AGTPBP1: variants seen among roughly 807,000 people sequenced by gnomAD.
AGTPBP1 encodes the protein ATP/GTP binding carboxypeptidase 1.
In AGTPBP1, 70 loss-of-function variants were observed where a neutral mutation model predicts 143.9. The observed-to-expected ratio is 0.49, with a 90% CI of 0.40 to 0.59. The LOEUF (loss-of-function observed/expected upper bound fraction) is 0.59, where lower values mean the gene tolerates loss of function less well. Among genes scored for constraint, AGTPBP1 ranks in the 20% least tolerant of loss-of-function variants. The pLI is 0.00. For missense variants in AGTPBP1, 1,229 were observed against 1,464.5 expected (o/e 0.84, Z 2.62); for synonymous variants, 463 against 500.2 (o/e 0.93, Z 0.99).
At chr9:85,794,849 A>T in the AGTPBP1 span, among the ~76,000 whole-genome samples, 2,577 of 152,280 alleles carry the variant, frequency 0.017, 75 homozygotes, top group African/African-American at 0.058. Context: ...TTCTTTGGTT[A>T]AATTTATTTC....
At chr9:85,663,372 A>G (rs1019469086) in intron 8 of AGTPBP1, among the ~76,000 whole-genome samples, 3 of 152,128 alleles carry the variant, frequency 2.0e-5, no homozygotes, top group Admixed American at 2.0e-4. Context: ...GCTCGGAAGG[A>G]TTCTGCCTCA....
At chr9:85,767,559 G>A in the AGTPBP1 span, among the ~76,000 whole-genome samples, 1 of 152,106 alleles carries the variant, frequency 6.6e-6, no homozygotes, top group Non-Finnish European at 1.5e-5. Context: ...TGTTGGCCAA[G>A]ATGGTCTCGA....
chr9:85,790,088 A>G, the AGTPBP1 span, among the ~76,000 whole-genome samples: 1 of 152,236 alleles, frequency 6.6e-6, no homozygotes, highest in Admixed American at 6.5e-5. Flanking sequence ...TTAAACATTT[A>G]AAGTTGTAAC....
At chr9:85,630,387 C>CTTATTTATTTATTTATTTATTTATTTAT (rs1245325032) in intron 14 of AGTPBP1, among the ~76,000 whole-genome samples, 7 of 144,230 alleles carry the variant, frequency 4.9e-5, no homozygotes, top group African/African-American at 1.9e-4. Context: ...TACTTACTTA[C>CTTATTTATTTATTTATTTATTTATTTAT]TTACTTATTT....
chr9:85,741,364 G>C, intron 1 of AGTPBP1: 2 of 985,350 alleles, frequency 2.0e-6, no homozygotes, highest in Non-Finnish European at 2.4e-6. Context: ...GGGAGAGCGG[G>C]GCTGGGCGCG....
Position 85,547,242 on chromosome 9 carries a change from T to A in AGTPBP1, c.3548A>T (p.Glu1183Val). 1 of 1,613,138 alleles carries A rather than the reference T, an allele frequency of 6.2e-7. No homozygotes were observed. Among genetic ancestry groups the A allele is most frequent in the Non-Finnish European group, 8.5e-7 (1 of 1,179,720 alleles). Residue 1183 changes from glutamate (E) to valine (V), a missense_variant, in exon 26 of 26, where the codon GAA becomes GTA. Physicochemically the swap from Glu to Val is moderately radical, Grantham distance 121. Around this residue, in one of 2 missense-constraint regions of AGTPBP1, gnomAD observed 486 missense variants for 652.3 expected, o/e 0.75. Transcript: ENST00000357081. ...VLDEDEPRFL[E>V]EVDYSAESND... is the part of the protein sequence containing the mutation. ...ACTTTCTGCACTGTAATCAACTTCT[T>A]CAAGGAATCGAGGTTCATCTTCATC...
intron 21 of AGTPBP1, among the ~76,000 whole-genome samples, chr9:85,587,704 A>G (rs1029170387): frequency 2.0e-5 from 3 of 152,182 alleles, no homozygotes; most frequent in Non-Finnish European, 4.4e-5. Context: ...ACTCATGACA[A>G]CTATACTAAA....
intron 14 of AGTPBP1, among the ~76,000 whole-genome samples, chr9:85,628,915 C>T (rs1831478332): frequency 1.3e-5 from 2 of 152,014 alleles, no homozygotes; most frequent in South Asian, 4.2e-4. Flanking sequence ...CAGGGTTTTA[C>T]TGTGTTGGCC....
In AGTPBP1 at chr9:85,643,186, G is replaced by A. The variant is rs1017354534; in HGVS notation, c.1186-243C>T. Among the ~76,000 whole-genome samples, 14 of 151,810 alleles carry A rather than the reference G, an allele frequency of 9.2e-5. No individual in the cohort carries two copies. The East Asian group carries it at 2.1e-3, about 23-fold the overall frequency. On this transcript the variant is annotated intron_variant, in intron 12 of 25. Coordinates refer to ENST00000357081, the MANE Select transcript of AGTPBP1 (RefSeq NM_001330701.2). ...TTACTCTAATATAACAGAGTATTCT[G>A]GCTACTCAAAACAGAAAAACTTGTG...
intron 3 of AGTPBP1, among the ~76,000 whole-genome samples, chr9:85,692,070 T>C (rs899040721): frequency 3.9e-5 from 6 of 152,068 alleles, no homozygotes; most frequent in African/African-American, 1.2e-4. Flanking sequence ...GAGGACCCCA[T>C]AATAACCAAT....
At chr9:85,561,187 C>A (rs868096387) in intron 25 of AGTPBP1, among the ~76,000 whole-genome samples, 1 of 151,908 alleles carries the variant, frequency 6.6e-6, no homozygotes, top group African/African-American at 2.4e-5. Flanking sequence ...TATGGTGAAA[C>A]CCCGTTTCTA....
chr9:85,736,042 T>G (rs889458978), intron 1 of AGTPBP1, among the ~76,000 whole-genome samples: 3 of 152,146 alleles, frequency 2.0e-5, no homozygotes, highest in African/African-American at 7.2e-5. Flanking sequence ...CCAGGTCACT[T>G]TTTTTTAAAC....
the AGTPBP1 span, among the ~76,000 whole-genome samples, chr9:85,796,953 A>AT: frequency 2.6e-5 from 4 of 151,506 alleles, no homozygotes; most frequent in Admixed American, 2.6e-4. Context: ...CACCCGCCTA[A>AT]TTTTTTTATT....
chr9:85,641,177 C>T lies in AGTPBP1; in HGVS notation c.1302+1650G>A, dbSNP rs79412816. Among the ~76,000 whole-genome samples, 26 of 152,238 alleles carry T rather than the reference C, an allele frequency of 1.7e-4. No individual in the cohort carries two copies. In the East Asian group the frequency reaches 4.1e-3, roughly 24 times the overall value. Reference sequence around the variant, plus strand: ...TGGGGGTCTTGGAACCTATCTCCCACGGATAAGGGGGGCCTACCGTATATA... The same window carrying T: ...TGGGGGTCTTGGAACCTATCTCCCATGGATAAGGGGGGCCTACCGTATATA... On this transcript the variant is annotated intron_variant, in intron 13 of 25. Coordinates refer to ENST00000357081, the MANE Select transcript of AGTPBP1 (RefSeq NM_001330701.2).
intron 13 of AGTPBP1, among the ~76,000 whole-genome samples, chr9:85,637,596 A>G (rs896943237): frequency 6.6e-6 from 1 of 152,218 alleles, no homozygotes; most frequent in African/African-American, 2.4e-5. Flanking sequence ...AAGAAGTTCT[A>G]AAACAGTCAA....
intron 24 of AGTPBP1, 39 bp from the exon 25 acceptor site, chr9:85,575,514 T>C (rs780495865): frequency 5.2e-6 from 8 of 1,548,264 alleles, no homozygotes; most frequent in Non-Finnish European, 7.0e-6. Flanking sequence ...ATTACAAAGT[T>C]TGCTATCTTC....
At chr9:85,773,047 C>G in the AGTPBP1 span, among the ~76,000 whole-genome samples, 1 of 151,822 alleles carries the variant, frequency 6.6e-6, no homozygotes, top group Non-Finnish European at 1.5e-5. Context: ...GGGCAGATCA[C>G]GAGGTCAGGA....
Position 85,579,021 on chromosome 9 carries a change from T to C in AGTPBP1, c.3241A>G (p.Lys1081Glu). Reference protein sequence around the residue: ...SSCSFVVEKSKESTARVVVWR... With the variant: ...SSCSFVVEKSEESTARVVVWR... Reference sequence around the variant, plus strand: ...ACTACAACACGTGCTGTGGATTCTTTAGATTTTTCCACTACGAAGCTACAG... The same window carrying C: ...ACTACAACACGTGCTGTGGATTCTTCAGATTTTTCCACTACGAAGCTACAG... Residue 1081 changes from lysine to glutamate, a missense_variant, in exon 24 of 26, where the codon AAA (lysine) becomes GAA (glutamate). By Grantham distance (56) the Lys-to-Glu change is moderately conservative. Transcript: ENST00000357081. 2 of 1,611,866 alleles carry C rather than the reference T, an allele frequency of 1.2e-6. No individual in the cohort carries two copies. Among genetic ancestry groups the C allele is most frequent in the East Asian group, 2.2e-5 (1 of 44,604 alleles).
chr9:85,708,574 T>C (rs1225538191), intron 2 of AGTPBP1, among the ~76,000 whole-genome samples: 5 of 152,204 alleles, frequency 3.3e-5, no homozygotes, highest in Non-Finnish European at 4.4e-5. Flanking sequence ...AGATCACTCT[T>C]TCACCGAGGC....
Sources: gnomAD v4.1 joint callset for allele counts (sites outside exome capture counted in the v4.1 genomes callset) on GRCh38, gnomAD v4.1.1 for gene constraint, gnomAD v4.1.1 regional missense constraint, MANE v1.5 for transcripts, NCBI Gene and HGNC (gene_info 2026-07-23, HGNC 2026-07-21) for gene names.